Variants in SLMAP observed in about 807,000 individuals in gnomAD.
SLMAP encodes sarcolemmal membrane-associated protein.
SLMAP carries 44 observed loss-of-function variants against 128.8 expected under a neutral mutation model. That is an observed-to-expected ratio of 0.34 (90% CI 0.27 to 0.44). The LOEUF (loss-of-function observed/expected upper bound fraction) is 0.44, where lower values mean the gene tolerates loss of function less well. Ranked by LOEUF, SLMAP falls within the 20% of genes least tolerant of loss-of-function variation. The probability of loss-of-function intolerance (pLI) is 1.00; values close to 1 mark genes in which losing one functional copy is unlikely to be tolerated. For missense variants in SLMAP, 787 were observed against 985.3 expected (o/e 0.80, Z 2.69); for synonymous variants, 327 against 348.8 (o/e 0.94, Z 0.70).
At chr3:57,814,455 C>G (rs1237549260) in intron 2 of SLMAP, among the ~76,000 whole-genome samples, 2 of 152,060 alleles carry the variant, frequency 1.3e-5, no homozygotes, top group African/African-American at 4.8e-5. Context: ...GAGCATTATT[C>G]TGTGGCTTGA....
chr3:57,805,290 A>G (rs1473803025), intron 2 of SLMAP, among the ~76,000 whole-genome samples: 2 of 152,166 alleles, frequency 1.3e-5, no homozygotes, highest in East Asian at 1.9e-4. Flanking sequence ...TGACCATTCA[A>G]ATGTGGATAC....
At chr3:57,875,869 ATAT>A (rs1186345000) in intron 14 of SLMAP, among the ~76,000 whole-genome samples, 1 of 152,240 alleles carries the variant, frequency 6.6e-6, no homozygotes, top group African/African-American at 2.4e-5. Context: ...AGTATTTTTA[ATAT>A]TATAAGCAAG....
chr3:57,763,664 G>A (rs2079114802), intron 2 of SLMAP, among the ~76,000 whole-genome samples: 1 of 152,106 alleles, frequency 6.6e-6, no homozygotes, highest in South Asian at 2.1e-4. Context: ...AACTGATGAG[G>A]ATTTGTTATT....
At chr3:57,885,771 CTTTTTTTTTTTTTTTT>C (rs35541333) in intron 14 of SLMAP, among the ~76,000 whole-genome samples, 158 of 53,592 alleles carry the variant, frequency 2.9e-3, no homozygotes, top group African/African-American at 9.1e-3. Flanking sequence ...GTTTTTGGTT[CTTTTTTTTTTTTTTTT>C]TTTTTTTTTT....
chr3:57,866,036 A>G (rs1351669945), intron 13 of SLMAP, among the ~76,000 whole-genome samples: 1 of 152,184 alleles, frequency 6.6e-6, no homozygotes, highest in African/African-American at 2.4e-5. Context: ...GTGTTTACCA[A>G]TCTATGTGCC....
chr3:57,860,840 G>A lies in SLMAP; in HGVS notation c.828+1G>A. The A allele has an allele frequency of 6.3e-7, 1 of 1,579,606 alleles. No individual in the cohort carries two copies. Among genetic ancestry groups the A allele is most frequent in the Non-Finnish European group, 8.5e-7 (1 of 1,169,678 alleles). ...GGTTAGAAAACTTTCAGAAGTTGAG[G>A]TATTTCAATCAAAAAAAAAATACTA... is the stretch of plus-strand genomic sequence containing the variant. On this transcript the variant is annotated splice_donor_variant, in intron 9 of 24. Transcript: ENST00000671191. LOFTEE classifies it high-confidence loss of function.
intron 17 of SLMAP, chr3:57,899,719 C>T (rs1228869668): frequency 2.0e-5 from 3 of 152,038 alleles, no homozygotes; most frequent in Non-Finnish European, 1.5e-5. Flanking sequence ...GACTTGTTTA[C>T]TCTTTCACTT....
chr3:57,870,323 A>T (rs2095451251), intron 13 of SLMAP, among the ~76,000 whole-genome samples: 1 of 151,982 alleles, frequency 6.6e-6, no homozygotes, highest in Admixed American at 6.6e-5. Flanking sequence ...CTTTTCCTGG[A>T]TCCAGTTGTC....
chr3:57,791,431 A>G (rs957421039), intron 2 of SLMAP, among the ~76,000 whole-genome samples: 10 of 152,142 alleles, frequency 6.6e-5, no homozygotes, highest in African/African-American at 1.4e-4. Context: ...TACTTGCACA[A>G]TGTTTTCTAT....
chr3:57,874,805 G>A (rs986855295), intron 14 of SLMAP, among the ~76,000 whole-genome samples: 14 of 151,366 alleles, frequency 9.2e-5, no homozygotes, highest in African/African-American at 3.4e-4. Context: ...GTTGCAGTGA[G>A]CCGAGATTGT....
chr3:57,922,682 C>T (rs1224843801), intron 22 of SLMAP, among the ~76,000 whole-genome samples: 1 of 152,186 alleles, frequency 6.6e-6, no homozygotes, highest in East Asian at 1.9e-4. Flanking sequence ...CCGCCTTGGC[C>T]TCCCAAAGTG....
In SLMAP at chr3:57,909,148, A is replaced by G; in HGVS notation, c.1697A>G (p.Gln566Arg). 1 of 1,595,286 alleles carries G rather than the reference A, an allele frequency of 6.3e-7. No individual in the cohort carries two copies. Among genetic ancestry groups the G allele is most frequent in the Non-Finnish European group, 8.6e-7 (1 of 1,166,018 alleles). Residue 566 changes from glutamine (Q) to arginine (R), a missense_variant and splice_region_variant, in exon 19 of 25, where the codon CAA (glutamine) becomes CGA (arginine). Gln to Arg is a conservative substitution (Grantham distance 43). This residue lies in a region of SLMAP where 715 missense variants were observed against 843.6 expected (regional missense o/e 0.85). Transcript: ENST00000671191. The stretch of plus-strand genomic sequence containing the variant: ...TCCACTAAACAAATACAGGTTCTTC[A>G]AGGTATGGAAGACCCCAAGGCTCTT... ...EESTKQIQVL[Q>R]AQLQRLHIDT...
At position 57,928,886 on chromosome 3, in the gene SLMAP, A is replaced by G. The variant is rs984705302; in HGVS notation, c.*1597A>G. On this transcript the variant is annotated 3_prime_UTR_variant, in exon 25 of 25. Coordinates refer to ENST00000671191, the MANE Select transcript of SLMAP (RefSeq NM_001377540.1). ...GGAATTAGTCACAAATGACTTGTAG[A>G]AAATACTGTCATATAGTTCATTTCA... 6.6e-6 allele frequency: 1 copy of G among 152,636 alleles called. No homozygotes were observed. The highest frequency in any genetic ancestry group is 2.4e-5 in the African/African-American group (1 of 41,466). The allele number at this position is 152,636 out of a possible 1,614,324, so 9.5% of individuals were successfully genotyped here. A position where few individuals can be genotyped will look rare whatever the true frequency, so the allele number is the denominator to read the frequency against.
intron 17 of SLMAP, among the ~76,000 whole-genome samples, chr3:57,906,461 G>A (rs538056484): frequency 4.7e-5 from 7 of 147,760 alleles, no homozygotes; most frequent in South Asian, 4.3e-4. Flanking sequence ...GATTACAGGC[G>A]CGCACCACCA....
chr3:57,929,820 C>T lies in SLMAP; in HGVS notation c.*2531C>T, dbSNP rs765290578. ...TCTCCATTTTCTCATTTATAACATG[C>T]GGAGAATAATACTTATATTTGTGGT... On this transcript the variant is annotated 3_prime_UTR_variant, in exon 25 of 25. Coordinates refer to ENST00000671191, the MANE Select transcript of SLMAP (RefSeq NM_001377540.1). 5.3e-5 allele frequency among the ~76,000 whole-genome samples: 8 copies of T among 151,940 alleles called. No individual in the cohort carries two copies. Among genetic ancestry groups the T allele is most frequent in the Non-Finnish European group, 5.9e-5 (4 of 68,010 alleles).
intron 2 of SLMAP, among the ~76,000 whole-genome samples, chr3:57,819,104 C>A (rs2092247876): frequency 1.3e-5 from 2 of 152,118 alleles, no homozygotes; most frequent in Admixed American, 1.3e-4. Flanking sequence ...TTATTATTTC[C>A]ATTTATTCAC....
At chr3:57,820,671 C>T (rs1199758881) in intron 2 of SLMAP, among the ~76,000 whole-genome samples, 1 of 152,208 alleles carries the variant, frequency 6.6e-6, no homozygotes, top group African/African-American at 2.4e-5. Context: ...GCGACCATCT[C>T]AGAGAGGCTG....
chr3:57,908,948 CT>C lies in SLMAP; in HGVS notation c.1625-127del. 6 of 635,296 alleles carry C rather than the reference CT, an allele frequency of 9.4e-6. No individual in the cohort carries two copies. In the South Asian group the frequency reaches 1.2e-4, roughly 13 times the overall value. The allele number at this position is 635,296 out of a possible 1,614,324, so 39.4% of individuals were successfully genotyped here. ...TAACTGCTAATACTGATAATACTTA[CT>C]GCCTAACTTTTGTTTCTTTCAATAA... On this transcript the variant is annotated intron_variant, in intron 18 of 24. Transcript: ENST00000671191.
At chr3:57,909,024 T>A in intron 18 of SLMAP, 52 bp from the exon 19 acceptor site, 1 of 1,265,136 alleles carries the variant, frequency 7.9e-7, no homozygotes, top group Non-Finnish European at 1.1e-6. Flanking sequence ...CAACTCTGAG[T>A]ACTTTCATTA....
Sources: gnomAD v4.1 joint callset for allele counts (sites outside exome capture counted in the v4.1 genomes callset) on GRCh38, gnomAD v4.1.1 for gene constraint, gnomAD v4.1.1 regional missense constraint, MANE v1.5 for transcripts, NCBI Gene and HGNC (gene_info 2026-07-23, HGNC 2026-07-21) for gene names.